GLIS3: variants seen among roughly 807,000 people sequenced by gnomAD.
The protein encoded by GLIS3 is GLIS family zinc finger 3, also known as zinc finger protein GLIS3.
Under a neutral mutation model 78.6 loss-of-function variants are expected in GLIS3, and 53 were observed. That is an observed-to-expected ratio of 0.67 (90% CI 0.54 to 0.85). The LOEUF (loss-of-function observed/expected upper bound fraction) is 0.85. GLIS3 is among the 40% of genes least tolerant of loss of function. The pLI is 0.00. For missense variants in GLIS3, 1,703 were observed against 1,231.1 expected (o/e 1.38, Z -5.74); for synonymous variants, 684 against 509.9 (o/e 1.34, Z -4.60).
intron 2 of GLIS3, among the ~76,000 whole-genome samples, chr9:4,245,732 C>T (rs114798302): frequency 3.3e-5 from 5 of 152,076 alleles, no homozygotes; most frequent in African/African-American, 1.2e-4. Context: ...ACATTATATA[C>T]AGGTATATAA....
At chr9:3,837,847 T>A (rs1357524510) in intron 9 of GLIS3, among the ~76,000 whole-genome samples, 1 of 152,188 alleles carries the variant, frequency 6.6e-6, no homozygotes, top group Non-Finnish European at 1.5e-5. Context: ...CATTATACAT[T>A]CGTTAAAACT....
intron 4 of GLIS3, among the ~76,000 whole-genome samples, chr9:3,944,264 T>C (rs1024598050): frequency 1.3e-5 from 2 of 152,178 alleles, no homozygotes; most frequent in African/African-American, 2.4e-5. Context: ...ATTTGAACCA[T>C]ATTAAATTTT....
chr9:4,319,118 T>G (rs1817482233), intron 2 of GLIS3, among the ~76,000 whole-genome samples: 1 of 152,044 alleles, frequency 6.6e-6, no homozygotes, highest in African/African-American at 2.4e-5. Context: ...AAAATATACA[T>G]GACAACAAAA....
chr9:4,456,811 G>C, the GLIS3 span, among the ~76,000 whole-genome samples: 1 of 152,220 alleles, frequency 6.6e-6, no homozygotes, highest in Admixed American at 6.5e-5. Flanking sequence ...CAGTTGAGCA[G>C]TCAGAACATA....
intron 2 of GLIS3, among the ~76,000 whole-genome samples, chr9:4,163,410 A>G (rs1211887071): frequency 6.6e-6 from 1 of 152,290 alleles, no homozygotes; most frequent in African/African-American, 2.4e-5. Flanking sequence ...TTACAGATGA[A>G]CAAGAAATGA....
intron 4 of GLIS3, among the ~76,000 whole-genome samples, chr9:4,112,578 G>A (rs369916547): frequency 1.3e-3 from 197 of 152,180 alleles, no homozygotes; most frequent in African/African-American, 4.3e-3. Context: ...CGGGTACTTC[G>A]GATGATTCCA....
intron 2 of GLIS3, among the ~76,000 whole-genome samples, chr9:4,334,390 A>C (rs1817724365): frequency 6.6e-6 from 1 of 152,196 alleles, no homozygotes; most frequent in South Asian, 2.1e-4. Context: ...GTTGGCTGTC[A>C]AGGAGCTGGT....
intron 2 of GLIS3, among the ~76,000 whole-genome samples, chr9:4,266,883 C>G (rs900468945): frequency 6.6e-6 from 1 of 152,164 alleles, no homozygotes; most frequent in Non-Finnish European, 1.5e-5. Context: ...TGGCAACTCT[C>G]AGAACCTAAT....
At chr9:4,204,461 G>A (rs528997371) in intron 2 of GLIS3, among the ~76,000 whole-genome samples, 114 of 152,218 alleles carry the variant, frequency 7.5e-4, no homozygotes, top group African/African-American at 2.7e-3. Flanking sequence ...AGCAAGGGGA[G>A]GAAGAAAAGG....
intron 8 of GLIS3, among the ~76,000 whole-genome samples, chr9:3,856,601 T>TTTTG (rs1180759615): frequency 1.3e-5 from 2 of 152,174 alleles, no homozygotes; most frequent in Admixed American, 1.3e-4. Context: ...CTCACAAACA[T>TTTTG]TTTGTTTGTT....
chr9:3,832,599 G>A (rs140873203), intron 9 of GLIS3, among the ~76,000 whole-genome samples: 5 of 152,338 alleles, frequency 3.3e-5, no homozygotes, highest in African/African-American at 1.2e-4. Flanking sequence ...AGTTTCAGTA[G>A]TTCCTTGGAC....
At chr9:4,130,390 G>A (rs1249773197) in intron 2 of GLIS3, among the ~76,000 whole-genome samples, 1 of 152,242 alleles carries the variant, frequency 6.6e-6, no homozygotes, top group Non-Finnish European at 1.5e-5. Context: ...CTTTCTGGCA[G>A]CACCTCTCAT....
chr9:4,272,920 C>A (rs756622830), intron 2 of GLIS3, among the ~76,000 whole-genome samples: 1 of 152,146 alleles, frequency 6.6e-6, no homozygotes, highest in Non-Finnish European at 1.5e-5. Context: ...GTTTGTACAA[C>A]AAATTATATG....
At chr9:4,331,660 T>A (rs1050403289) in intron 2 of GLIS3, among the ~76,000 whole-genome samples, 3 of 151,800 alleles carry the variant, frequency 2.0e-5, no homozygotes, top group African/African-American at 7.3e-5. Flanking sequence ...GATGATAGAG[T>A]ATGATGGGTT....
chr9:4,451,836 A>C, the GLIS3 span, among the ~76,000 whole-genome samples: 1 of 151,856 alleles, frequency 6.6e-6, no homozygotes, highest in African/African-American at 2.4e-5. Context: ...TCTCTGGGAC[A>C]CATTTAAAAC....
At chr9:4,457,908 C>T in the GLIS3 span, among the ~76,000 whole-genome samples, 1 of 151,878 alleles carries the variant, frequency 6.6e-6, no homozygotes, top group African/African-American at 2.4e-5. Flanking sequence ...AATCCAAGAC[C>T]TAAGTTCTGA....
chr9:3,961,172 T>A (rs997098621), intron 4 of GLIS3, among the ~76,000 whole-genome samples: 2 of 152,168 alleles, frequency 1.3e-5, no homozygotes, highest in African/African-American at 4.8e-5. Flanking sequence ...CCTTGCATTA[T>A]AAGAAAGTAA....
chr9:4,096,009 C>CAAAAAAAAAAAAAAAAA (rs34499061), intron 4 of GLIS3, among the ~76,000 whole-genome samples: 1 of 103,550 alleles, frequency 9.7e-6, no homozygotes, highest in Non-Finnish European at 2.0e-5. Context: ...GTAACCTATA[C>CAAAAAAAAAAAAAAAAA]AAAAAAAAAA....
At chr9:3,992,836 T>A (rs1000013650) in intron 4 of GLIS3, among the ~76,000 whole-genome samples, 3 of 152,220 alleles carry the variant, frequency 2.0e-5, no homozygotes, top group African/African-American at 7.2e-5. Context: ...CCAATTCTGA[T>A]AAGGTCAAAC....
Sources: allele counts gnomAD v4.1 joint callset (sites outside exome capture counted in the v4.1 genomes callset), GRCh38; gene constraint gnomAD v4.1.1; transcripts MANE v1.5; gene names NCBI Gene and HGNC (gene_info 2026-07-23, HGNC 2026-07-21).